VWC2: variants seen among roughly 807,000 people sequenced by gnomAD.
The protein encoded by VWC2 is von Willebrand factor C domain containing 2.
Under a neutral mutation model 29.8 loss-of-function variants are expected in VWC2, and 14 were observed. That is an observed-to-expected ratio of 0.47 (90% confidence interval 0.31 to 0.74). VWC2 has a LOEUF of 0.74. VWC2 is among the 30% of genes least tolerant of loss of function. The pLI is 0.05. For missense variants in VWC2, 457 were observed against 459.8 expected (o/e 0.99, Z 0.05); for synonymous variants, 213 against 199.0 (o/e 1.07, Z -0.59).
rs1793554425 is a variant in VWC2 at position 49,913,317 on chromosome 7, A to T, written c.*1132A>T. ...TTCCAAACCAACTTCTTTTCTCTTC[A>T]TTTGAACAGAGAACATAAAAAGCCA... On this transcript the variant is annotated 3_prime_UTR_variant, in exon 4 of 4. Coordinates refer to ENST00000340652, the MANE Select transcript of VWC2 (RefSeq NM_198570.5). The T allele has an allele frequency of 6.6e-6, 1 of 152,202 alleles. No homozygotes were observed. Among genetic ancestry groups the T allele is most frequent in the Non-Finnish European group, 1.5e-5 (1 of 68,042 alleles). The allele number at this position is 152,202 out of a possible 1,614,324, so 9.4% of individuals were successfully genotyped here.
At chr7:49,803,016 C>T (rs1431929396) in intron 3 of VWC2, among the ~76,000 whole-genome samples, 176 bp downstream of exon 3, 1 of 152,234 alleles carries the variant, frequency 6.6e-6, no homozygotes, top group African/African-American at 2.4e-5. Flanking sequence ...GCAAGGCCTT[C>T]TCTCTCTTAC....
chr7:49,802,947 T>A, intron 3 of VWC2, 107 bp downstream of exon 3: 1 of 1,433,588 alleles, frequency 7.0e-7, no homozygotes, highest in African/African-American at 1.4e-5. Flanking sequence ...AGTTTCATCC[T>A]ATGTATCAAT....
At chr7:49,797,641 G>A (rs184879249) in intron 2 of VWC2, among the ~76,000 whole-genome samples, 2 of 152,204 alleles carry the variant, frequency 1.3e-5, no homozygotes, top group Admixed American at 1.3e-4. Context: ...GCTGTTATCT[G>A]TATTCTCACC....
chr7:49,911,988 T>C (rs902567701), intron 3 of VWC2, 46 bp from the exon 4 acceptor site: 4 of 1,473,394 alleles, frequency 2.7e-6, no homozygotes, highest in Non-Finnish European at 3.6e-6. Flanking sequence ...ATATATATTA[T>C]ATATTTATGC....
intron 3 of VWC2, among the ~76,000 whole-genome samples, chr7:49,907,767 A>G (rs961021402): frequency 6.6e-6 from 1 of 152,232 alleles, no homozygotes; most frequent in Admixed American, 6.5e-5. Context: ...TCATAGGTGT[A>G]TTCAAAGATG....
chr7:49,901,144 C>G (rs550160440), intron 3 of VWC2: 1 of 151,970 alleles, frequency 6.6e-6, no homozygotes, highest in Admixed American at 6.5e-5. Context: ...GCTTTCCCAC[C>G]AGGATTAGGA....
chr7:49,906,091 C>T (rs1347096719), intron 3 of VWC2, among the ~76,000 whole-genome samples: 3 of 152,146 alleles, frequency 2.0e-5, no homozygotes, highest in Non-Finnish European at 2.9e-5. Context: ...GCCAGTGGCC[C>T]TCAGGGCTGC....
chr7:49,833,264 AT>A (rs1789577273), intron 3 of VWC2, among the ~76,000 whole-genome samples: 1 of 152,184 alleles, frequency 6.6e-6, no homozygotes, highest in South Asian at 2.1e-4. Context: ...TGGTAAGTTG[AT>A]AAGTCTATTA....
chr7:49,833,633 G>A (rs140626147), intron 3 of VWC2, among the ~76,000 whole-genome samples: 257 of 152,242 alleles, frequency 1.7e-3, no homozygotes, highest in African/African-American at 5.8e-3. Flanking sequence ...GGCTCTTTAT[G>A]GAATACATCT....
chr7:49,921,399 CA>C lies in VWC2; in HGVS notation c.*9216del, dbSNP rs1316634418. 1 of 152,204 alleles carries C rather than the reference CA, an allele frequency of 6.6e-6. No homozygotes were observed. The highest frequency in any genetic ancestry group is 1.9e-4 in the East Asian group (1 of 5,196). 9.4% of individuals were successfully genotyped at this position (152,204 alleles called of 1,614,324 possible). On this transcript the variant is annotated 3_prime_UTR_variant, in exon 4 of 4. Coordinates refer to ENST00000340652, the MANE Select transcript of VWC2 (RefSeq NM_198570.5). ...TTAACATTTATATCATAAGTATTCTCAATAAACGTTTGCAATTTATTTGCTT... is the reference window on the plus strand; with the variant it reads ...TTAACATTTATATCATAAGTATTCTCATAAACGTTTGCAATTTATTTGCTT...
At chr7:49,884,960 A>T (rs1791833496) in intron 3 of VWC2, among the ~76,000 whole-genome samples, 1 of 152,168 alleles carries the variant, frequency 6.6e-6, no homozygotes, top group Non-Finnish European at 1.5e-5. Flanking sequence ...CAAGTCAAAT[A>T]AAAAGATGAA....
At chr7:49,886,685 A>C (rs1209553428) in intron 3 of VWC2, among the ~76,000 whole-genome samples, 1 of 152,166 alleles carries the variant, frequency 6.6e-6, no homozygotes, top group African/African-American at 2.4e-5. Flanking sequence ...TTTGTTGTAC[A>C]GATTATTTTG....
chr7:49,836,454 C>T (rs577867161), intron 3 of VWC2, among the ~76,000 whole-genome samples: 1 of 141,102 alleles, frequency 7.1e-6, no homozygotes, highest in African/African-American at 2.7e-5. Flanking sequence ...CATGGTGAAA[C>T]TCTGTCTCTG....
At chr7:49,801,157 G>A (rs1022839538) in intron 2 of VWC2, among the ~76,000 whole-genome samples, 1 of 152,234 alleles carries the variant, frequency 6.6e-6, no homozygotes, top group Non-Finnish European at 1.5e-5. Flanking sequence ...GTAATAGCCA[G>A]TCCACTCAGT....
intron 3 of VWC2, among the ~76,000 whole-genome samples, chr7:49,853,820 T>G (rs2128717543): frequency 6.6e-6 from 1 of 152,056 alleles, no homozygotes; most frequent in East Asian, 1.9e-4. Flanking sequence ...ACCCATTAAC[T>G]GGTCATTTAC....
Position 49,913,203 on chromosome 7 carries a change from C to T in VWC2, c.*1018C>T, listed in dbSNP as rs1793548611. ...TCTTGACTGATAACCTTGAATTAGC[C>T]ACCCTTCACAAGCAGAGTGAGGAAG... is the stretch of plus-strand genomic sequence containing the variant. On this transcript the variant is annotated 3_prime_UTR_variant, in exon 4 of 4. Coordinates refer to ENST00000340652, the MANE Select transcript of VWC2 (RefSeq NM_198570.5). 1 of 152,114 alleles carries T rather than the reference C, an allele frequency of 6.6e-6. No homozygotes were observed. The highest frequency in any genetic ancestry group is 6.5e-5 in the Admixed American group (1 of 15,274). The allele number at this position is 152,114 out of a possible 1,614,324, so 9.4% of individuals were successfully genotyped here. A position where few individuals can be genotyped will look rare whatever the true frequency, so the allele number is the denominator to read the frequency against.
At chr7:49,882,261 A>C (rs1469571413) in intron 3 of VWC2, among the ~76,000 whole-genome samples, 3 of 152,122 alleles carry the variant, frequency 2.0e-5, no homozygotes, top group Non-Finnish European at 2.9e-5. Context: ...TAGGAGGAGG[A>C]AGAGAGATTC....
intron 3 of VWC2, among the ~76,000 whole-genome samples, chr7:49,845,833 C>T (rs935410156): frequency 6.6e-6 from 1 of 152,202 alleles, no homozygotes; most frequent in Non-Finnish European, 1.5e-5. Context: ...GGCAAACAAA[C>T]AGCAATGCAG....
intron 3 of VWC2, among the ~76,000 whole-genome samples, chr7:49,880,724 C>T (rs1003784690): frequency 2.0e-5 from 3 of 151,926 alleles, no homozygotes; most frequent in African/African-American, 7.3e-5. Flanking sequence ...GGAGATACAC[C>T]TAATGTAAAT....
Sources: gnomAD v4.1 joint callset for allele counts (sites outside exome capture counted in the v4.1 genomes callset) on GRCh38, gnomAD v4.1.1 for gene constraint, MANE v1.5 for transcripts, NCBI Gene and HGNC (gene_info 2026-07-23, HGNC 2026-07-21) for gene names.